The following SNX29 variants were observed in gnomAD, a reference collection of about 807,000 sequenced individuals.
The protein encoded by SNX29 is sorting nexin 29.
SNX29 carries 78 observed loss-of-function variants against 102.1 expected under a neutral mutation model. That is an observed-to-expected ratio of 0.76 (90% CI 0.64 to 0.92). SNX29 has a LOEUF of 0.92. Among genes scored for constraint, SNX29 ranks in the 40% least tolerant of loss-of-function variants. SNX29 has a pLI of 0.00. For synonymous variants in SNX29, 580 were observed against 414.5 expected, an observed-to-expected ratio of 1.40 and a Z score of -4.85; for missense variants, 1,280 against 1,061.7, an observed-to-expected ratio of 1.21 and a Z score of -2.86.
intron 14 of SNX29, among the ~76,000 whole-genome samples, chr16:12,264,652 A>C (rs2078874382): frequency 6.6e-6 from 1 of 152,072 alleles, no homozygotes; most frequent in Non-Finnish European, 1.5e-5. Context: ...CGTGATAGCA[A>C]GTGCCTGTAG....
intron 20 of SNX29, among the ~76,000 whole-genome samples, chr16:12,566,252 C>T (rs549864199): frequency 1.9e-4 from 29 of 152,300 alleles, no homozygotes; most frequent in African/African-American, 5.5e-4. Flanking sequence ...ACAAGGAAAC[C>T]AAGGGTCAGA....
chr16:12,564,087 A>C (rs2078884581), intron 20 of SNX29, among the ~76,000 whole-genome samples: 1 of 149,906 alleles, frequency 6.7e-6, no homozygotes, highest in African/African-American at 2.4e-5. Context: ...AGTTTGTAAT[A>C]TCTTTGTAAA....
intron 14 of SNX29, among the ~76,000 whole-genome samples, chr16:12,266,189 T>G (rs2078922692): frequency 6.6e-6 from 1 of 152,144 alleles, no homozygotes; most frequent in Non-Finnish European, 1.5e-5. Context: ...CCTCCCAAAG[T>G]GCTGGGGTTG....
intron 19 of SNX29, among the ~76,000 whole-genome samples, chr16:12,486,968 G>A (rs897247899): frequency 2.6e-5 from 4 of 152,192 alleles, no homozygotes; most frequent in Non-Finnish European, 5.9e-5. Flanking sequence ...GTAAGAGGCT[G>A]TAATAAGCAC....
intron 6 of SNX29, among the ~76,000 whole-genome samples, chr16:12,047,016 C>T (rs529509969): frequency 3.3e-5 from 5 of 152,246 alleles, no homozygotes; most frequent in South Asian, 2.1e-4. Flanking sequence ...ATATACATTG[C>T]GGGGAATTGG....
intron 18 of SNX29, among the ~76,000 whole-genome samples, chr16:12,406,032 C>CA (rs68009685): frequency 0.063 from 8,846 of 141,092 alleles, 327 homozygotes; most frequent in East Asian, 0.17. Flanking sequence ...GACTCTGCCT[C>CA]AAAAAAAGAA....
intron 19 of SNX29, among the ~76,000 whole-genome samples, chr16:12,487,034 G>A (rs964157135): frequency 2.0e-5 from 3 of 152,182 alleles, no homozygotes; most frequent in African/African-American, 7.2e-5. Context: ...GTGTGGCCTC[G>A]GGCACGTTAT....
At chr16:12,387,122 C>A (rs1265811889) in intron 16 of SNX29, among the ~76,000 whole-genome samples, 2 of 151,652 alleles carry the variant, frequency 1.3e-5, no homozygotes, top group Non-Finnish European at 2.9e-5. Context: ...GAGACTCAGT[C>A]TCATTAAAAA....
At chr16:12,181,775 C>A (rs536445141) in intron 13 of SNX29, among the ~76,000 whole-genome samples, 1 of 152,172 alleles carries the variant, frequency 6.6e-6, no homozygotes, top group Admixed American at 6.5e-5. Context: ...ACGCAGATAC[C>A]ATGTAGGCCT....
intron 11 of SNX29, among the ~76,000 whole-genome samples, chr16:12,097,420 G>A (rs897179310): frequency 1.6e-4 from 24 of 152,172 alleles, no homozygotes; most frequent in African/African-American, 5.1e-4. Context: ...CCGACTTCCC[G>A]CATCTGGCTG....
intron 16 of SNX29, among the ~76,000 whole-genome samples, chr16:12,362,736 C>T (rs751550091): frequency 6.6e-6 from 1 of 152,010 alleles, no homozygotes; most frequent in African/African-American, 2.4e-5. Flanking sequence ...GAAGCCCTGA[C>T]AAGGTCACAC....
At chr16:12,103,194 A>G (rs2053091504) in intron 11 of SNX29, among the ~76,000 whole-genome samples, 1 of 151,282 alleles carries the variant, frequency 6.6e-6, no homozygotes, top group Non-Finnish European at 1.5e-5. Flanking sequence ...ACAGAATTAG[A>G]AAAAAACTGC....
intron 11 of SNX29, among the ~76,000 whole-genome samples, chr16:12,105,110 C>T (rs34438670): frequency 6.6e-6 from 1 of 152,188 alleles, no homozygotes; most frequent in Non-Finnish European, 1.5e-5. Flanking sequence ...GAGGCAACAC[C>T]GTGAGCAGTT....
chr16:12,549,851 T>A (rs532603562), intron 20 of SNX29, among the ~76,000 whole-genome samples: 69 of 152,380 alleles, frequency 4.5e-4, no homozygotes, highest in African/African-American at 1.6e-3. Context: ...GCCGCATGAC[T>A]GTGGTGAAAC....
At chr16:12,276,832 C>T (rs1303634658) in intron 14 of SNX29, among the ~76,000 whole-genome samples, 1 of 152,162 alleles carries the variant, frequency 6.6e-6, no homozygotes, top group African/African-American at 2.4e-5. Flanking sequence ...ATCATGGAAA[C>T]ACTACTCAGA....
intron 19 of SNX29, among the ~76,000 whole-genome samples, chr16:12,513,570 C>G (rs984119759): frequency 1.9e-4 from 29 of 152,132 alleles, no homozygotes; most frequent in African/African-American, 6.0e-4. Flanking sequence ...AGAAAAAGGC[C>G]TGATGAACAA....
intron 3 of SNX29, among the ~76,000 whole-genome samples, chr16:12,008,946 T>G (rs1046461843): frequency 6.6e-6 from 1 of 151,900 alleles, no homozygotes; most frequent in Non-Finnish European, 1.5e-5. Context: ...TTCACTATGT[T>G]GGTCAGGCTG....
chr16:12,190,450 G>A (rs144444576), intron 13 of SNX29, among the ~76,000 whole-genome samples: 9 of 152,284 alleles, frequency 5.9e-5, no homozygotes, highest in East Asian at 3.9e-4. Context: ...TCTAGAATAC[G>A]CTGGGGGCAG....
At chr16:12,130,077 C>A (rs2054391964) in intron 13 of SNX29, among the ~76,000 whole-genome samples, 1 of 151,476 alleles carries the variant, frequency 6.6e-6, no homozygotes, top group Non-Finnish European at 1.5e-5. Context: ...GCATTCCAGC[C>A]TGGGTGACAG....
Sources: allele counts gnomAD v4.1 joint callset (sites outside exome capture counted in the v4.1 genomes callset), GRCh38; gene constraint gnomAD v4.1.1; transcripts MANE v1.5; gene names NCBI Gene and HGNC (gene_info 2026-07-23, HGNC 2026-07-21).